The following MAPK10 variants were observed in gnomAD, a reference collection of about 807,000 sequenced individuals.
MAPK10 encodes mitogen-activated protein kinase 10, also known as JNK3 alpha protein kinase.
A neutral mutation model predicts 59.3 loss-of-function variants in MAPK10; 25 were observed. That is an observed-to-expected ratio of 0.42 (90% confidence interval 0.31 to 0.59). The LOEUF (loss-of-function observed/expected upper bound fraction) is 0.59. Ranked by LOEUF, MAPK10 falls within the 20% of genes least tolerant of loss-of-function variation. The pLI, the probability that MAPK10 is intolerant of heterozygous loss-of-function variation, is 0.15. For synonymous variants in MAPK10, 190 were observed against 200.5 expected (o/e 0.95, Z 0.44); for missense variants, 351 against 568.9 (o/e 0.62, Z 3.90).
At chr4:86,171,539 A>G (rs1431101884) in intron 3 of MAPK10, among the ~76,000 whole-genome samples, 1 of 152,220 alleles carries the variant, frequency 6.6e-6, no homozygotes. Flanking sequence ...GAAAGCGGAA[A>G]CTGGATCCCT....
At chr4:86,272,837 C>A (rs2094472863) in intron 2 of MAPK10, among the ~76,000 whole-genome samples, 1 of 152,036 alleles carries the variant, frequency 6.6e-6, no homozygotes, top group African/African-American at 2.4e-5. Flanking sequence ...ATCCTGGAGT[C>A]TGCATGCATG....
chr4:86,112,785 G>A (rs927711004), intron 4 of MAPK10, among the ~76,000 whole-genome samples: 10 of 152,006 alleles, frequency 6.6e-5, no homozygotes, highest in South Asian at 2.1e-4. Flanking sequence ...TTTTTGTCTC[G>A]ATGATCTGCC....
intron 1 of MAPK10, among the ~76,000 whole-genome samples, chr4:86,424,693 G>GGGGTAGCATGATCATGA (rs1747039840): frequency 6.6e-6 from 1 of 152,044 alleles, no homozygotes; most frequent in African/African-American, 2.4e-5. Flanking sequence ...GAAATCATGA[G>GGGGTAGCATGATCATGA]GGGTAGCATG....
upstream of MAPK10, among the ~76,000 whole-genome samples, chr4:86,360,792 T>C (rs892953533): frequency 6.6e-6 from 1 of 152,172 alleles, no homozygotes; most frequent in Non-Finnish European, 1.5e-5. Flanking sequence ...AGGGTATTTT[T>C]AAAGTCTCCA....
At chr4:86,068,670 A>G (rs2047181120) in intron 9 of MAPK10, among the ~76,000 whole-genome samples, 1 of 152,192 alleles carries the variant, frequency 6.6e-6, no homozygotes, top group South Asian at 2.1e-4. Flanking sequence ...TTTCTATCCA[A>G]GTACATCCAA....
chr4:86,401,748 G>A (rs1394394104), intron 1 of MAPK10, among the ~76,000 whole-genome samples: 2 of 152,076 alleles, frequency 1.3e-5, no homozygotes, highest in East Asian at 1.9e-4. Context: ...ACAAGATGTT[G>A]TAAAACTCAA....
intron 1 of MAPK10, among the ~76,000 whole-genome samples, chr4:86,593,503 C>G (rs942156550): frequency 6.6e-6 from 1 of 152,118 alleles, no homozygotes; most frequent in South Asian, 2.1e-4. Flanking sequence ...TCTGGATATA[C>G]CTTGGCCAAA....
intron 1 of MAPK10, among the ~76,000 whole-genome samples, chr4:86,583,502 C>T (rs1334859944): frequency 6.6e-6 from 1 of 152,076 alleles, no homozygotes; most frequent in Non-Finnish European, 1.5e-5. Context: ...AGTTTTTCTA[C>T]ATTAAAAAAA....
chr4:86,052,692 G>T lies in MAPK10; in HGVS notation c.1110+11574C>A, dbSNP rs906388010. 6.6e-4 allele frequency among the ~76,000 whole-genome samples: 100 copies of T among 152,078 alleles called. 1 individual carries two copies. The highest frequency in any genetic ancestry group is 5.9e-5 in the Non-Finnish European group (4 of 67,946). On this transcript the variant is annotated intron_variant, in intron 11 of 13. Transcript: ENST00000641462. ...GGAGGATAAGTATGTATATACTCGG[G>T]TGTTGTTGTTGCTGTTGTTTGAGAT...
intron 2 of MAPK10, among the ~76,000 whole-genome samples, chr4:86,312,122 A>C (rs1382593500): frequency 1.3e-5 from 2 of 152,106 alleles, no homozygotes; most frequent in African/African-American, 4.8e-5. Flanking sequence ...GTTTGAGACC[A>C]TTGTCCAATC....
intron 1 of MAPK10, among the ~76,000 whole-genome samples, chr4:86,560,679 G>T (rs1057262652): frequency 6.6e-6 from 1 of 152,202 alleles, no homozygotes. Flanking sequence ...TTATTTAAGT[G>T]ATGCAGTAAG....
In MAPK10 at chr4:86,107,347, G is replaced by C. The variant is rs143720396; in HGVS notation, c.242C>G (p.Ala81Gly). The C allele has an allele frequency of 6.2e-7, 1 of 1,612,476 alleles. No individual in the cohort carries two copies. Among genetic ancestry groups the C allele is most frequent in the African/African-American group, 1.3e-5 (1 of 74,912 alleles). ...GSGAQGIVCA[A>G]YDAVLDRNVA... The stretch of plus-strand genomic sequence containing the variant: ...ATTTCTGTCAAGGACAGCATCATAC[G>C]CGGCACTGTAGAGATCCAAGAGCAA... Residue 81 changes from alanine to glycine, a missense_variant, in exon 5 of 14, where the codon GCG (alanine) becomes GGG (glycine). Physicochemically the swap from Ala to Gly is moderately conservative, Grantham distance 60 (BLOSUM62 0). This residue lies in a region of MAPK10 where 51 missense variants were observed against 72.7 expected (regional missense o/e 0.70). Transcript: ENST00000641462.
intron 1 of MAPK10, among the ~76,000 whole-genome samples, chr4:86,548,232 A>T (rs1759423273): frequency 6.6e-6 from 1 of 152,074 alleles, no homozygotes; most frequent in African/African-American, 2.4e-5. Flanking sequence ...CTGCCTTAAG[A>T]GCTGTAACAC....
intron 9 of MAPK10, among the ~76,000 whole-genome samples, chr4:86,076,666 C>A (rs2049544467): frequency 6.6e-6 from 1 of 152,090 alleles, no homozygotes; most frequent in Non-Finnish European, 1.5e-5. Flanking sequence ...TCCTGTAAAA[C>A]AATTAATTTT....
intron 4 of MAPK10, among the ~76,000 whole-genome samples, chr4:86,134,423 T>C (rs2061531516): frequency 6.6e-6 from 1 of 152,178 alleles, no homozygotes; most frequent in Non-Finnish European, 1.5e-5. Flanking sequence ...ACTCCATTAA[T>C]AGCAATTAAT....
chr4:86,168,546 C>A (rs916126151), intron 3 of MAPK10, among the ~76,000 whole-genome samples: 2 of 152,236 alleles, frequency 1.3e-5, no homozygotes, highest in African/African-American at 4.8e-5. Flanking sequence ...CTTAAGTAAA[C>A]AAAGCAGCCC....
At chr4:86,400,374 T>C (rs1317783707) in intron 1 of MAPK10, among the ~76,000 whole-genome samples, 1 of 152,122 alleles carries the variant, frequency 6.6e-6, no homozygotes, top group Admixed American at 6.5e-5. Flanking sequence ...CTGAGAACAT[T>C]ACTATAGTGA....
At position 86,507,655 on chromosome 4, in the gene MAPK10, T is replaced by TATATATATACAC. The variant is rs1554274999; in HGVS notation, c.-263+86254_-263+86255insGTGTATATATAT. Among the ~76,000 whole-genome samples, 70 of 71,264 alleles carry TATATATATACAC rather than the reference T, an allele frequency of 9.8e-4. 7 individuals are homozygous for TATATATATACAC. The highest frequency in any genetic ancestry group is 1.9e-3 in the Non-Finnish European group (65 of 34,644). 46.8% of individuals were successfully genotyped at this position (71,264 alleles called of 152,430 possible). A position where few individuals can be genotyped will look rare whatever the true frequency, so the allele number is the denominator to read the frequency against. On this transcript the variant is annotated intron_variant, in intron 1 of 4. Coordinates refer to the MAPK10 transcript ENST00000502302. ...ATATATATATATATATATATATATA[T>TATATATATACAC]ATATATATATATATATAAAATCATG... is the stretch of plus-strand genomic sequence containing the variant.
chr4:86,209,352 G>A (rs2085132241), intron 2 of MAPK10, among the ~76,000 whole-genome samples: 1 of 152,002 alleles, frequency 6.6e-6, no homozygotes, highest in South Asian at 2.1e-4. Flanking sequence ...GGTGAAGTAG[G>A]AAGCACCAGT....
Sources: allele counts gnomAD v4.1 joint callset (sites outside exome capture counted in the v4.1 genomes callset), GRCh38; gene constraint gnomAD v4.1.1; regional missense constraint gnomAD v4.1.1; transcripts MANE v1.5; gene names NCBI Gene and HGNC (gene_info 2026-07-23, HGNC 2026-07-21).